The following STAM variants were observed in gnomAD, a reference collection of about 807,000 sequenced individuals.
The protein encoded by STAM is signal transducing adapter molecule 1.
STAM carries 16 observed loss-of-function variants against 63.4 expected under a neutral mutation model. The observed-to-expected ratio is 0.25, with a 90% CI of 0.17 to 0.38. STAM has a LOEUF of 0.38. Ranked by LOEUF, STAM falls within the 10% of genes least tolerant of loss-of-function variation. The pLI is 1.00. For missense variants in STAM, 636 were observed against 657.1 expected (o/e 0.97, Z 0.35); for synonymous variants, 238 against 223.9 (o/e 1.06, Z -0.56).
At chr10:17,689,518 T>A (rs1049169663) in intron 5 of STAM, among the ~76,000 whole-genome samples, 2 of 152,256 alleles carry the variant, frequency 1.3e-5, no homozygotes, top group African/African-American at 4.8e-5. Flanking sequence ...AAAAATTATG[T>A]CTTTGAAAAT....
intron 1 of STAM, among the ~76,000 whole-genome samples, chr10:17,660,064 C>A (rs985954088): frequency 6.6e-6 from 1 of 151,814 alleles, no homozygotes; most frequent in African/African-American, 2.4e-5. Flanking sequence ...AAAAAATCCA[C>A]AAAACTAGCT....
At chr10:17,647,982 G>A (rs1184987427) in intron 1 of STAM, among the ~76,000 whole-genome samples, 3 of 151,792 alleles carry the variant, frequency 2.0e-5, no homozygotes, top group Non-Finnish European at 4.4e-5. Context: ...GCCCAAACCT[G>A]CTCATTCCTT....
intron 6 of STAM, 27 bp downstream of exon 6, chr10:17,693,339 G>T: frequency 6.5e-7 from 1 of 1,545,844 alleles, no homozygotes; most frequent in Non-Finnish European, 8.8e-7. Flanking sequence ...CTGATGGTGG[G>T]AATAACATAA....
intron 2 of STAM, among the ~76,000 whole-genome samples, chr10:17,678,496 C>T (rs113007436): frequency 0.13 from 19,041 of 152,104 alleles, 1,599 homozygotes; most frequent in Non-Finnish European, 0.18. Flanking sequence ...TCAGGTGATC[C>T]GCCTGCCTCG....
At chr10:17,657,540 A>T (rs573894765) in intron 1 of STAM, among the ~76,000 whole-genome samples, 2 of 152,244 alleles carry the variant, frequency 1.3e-5, no homozygotes, top group Admixed American at 1.3e-4. Flanking sequence ...CAGAATTAGT[A>T]TAATTTCTTC....
At chr10:17,706,557 T>G (rs1836289110) in intron 12 of STAM, among the ~76,000 whole-genome samples, 1 of 151,916 alleles carries the variant, frequency 6.6e-6, no homozygotes, top group South Asian at 2.1e-4. Flanking sequence ...TTTTTTGTAT[T>G]TTTAGTAGAG....
chr10:17,713,710 G>A (rs573970855), intron 13 of STAM, among the ~76,000 whole-genome samples: 6 of 151,808 alleles, frequency 4.0e-5, no homozygotes, highest in Non-Finnish European at 7.4e-5. Context: ...CATTACTGCC[G>A]TGGCTCTTCT....
chr10:17,656,293 TAAAA>T (rs34558527), intron 1 of STAM, among the ~76,000 whole-genome samples: 1 of 127,902 alleles, frequency 7.8e-6, no homozygotes. Context: ...GACTCCGTCT[TAAAA>T]AAAAAAAAAA....
intron 2 of STAM, among the ~76,000 whole-genome samples, chr10:17,670,192 G>A (rs927314156): frequency 3.3e-5 from 5 of 152,104 alleles, no homozygotes; most frequent in African/African-American, 9.7e-5. Context: ...GATCCGATGC[G>A]AGCTGATTTT....
chr10:17,705,133 C>A (rs1836201709), intron 11 of STAM, 109 bp downstream of exon 11: 16 of 843,276 alleles, frequency 1.9e-5, no homozygotes, highest in Non-Finnish European at 3.1e-5. Flanking sequence ...TGTGGAGGAA[C>A]CAACTCTCAT....
intron 1 of STAM, among the ~76,000 whole-genome samples, chr10:17,649,414 T>A (rs1223905842): frequency 6.6e-6 from 1 of 150,932 alleles, no homozygotes; most frequent in Admixed American, 6.6e-5. Context: ...AAAAAAGAAT[T>A]AAAAAAAATG....
chr10:17,661,900 C>G (rs1554822916), intron 2 of STAM, among the ~76,000 whole-genome samples: 1 of 91,326 alleles, frequency 1.1e-5, no homozygotes, highest in Non-Finnish European at 2.1e-5. Context: ...CAAATGTGGT[C>G]CCATCCATCC....
chr10:17,705,890 A>C (rs1187648476), intron 12 of STAM, 149 bp downstream of exon 12: 7 of 560,104 alleles, frequency 1.2e-5, no homozygotes, highest in Non-Finnish European at 2.1e-5. Flanking sequence ...TAACATAGTG[A>C]GACTCTGTCT....
At chr10:17,653,765 C>CCTAATATATTAGGCTTTATGCCTAATATA (rs1404154884) in intron 1 of STAM, among the ~76,000 whole-genome samples, 9 of 152,156 alleles carry the variant, frequency 5.9e-5, no homozygotes, top group Non-Finnish European at 1.3e-4. Flanking sequence ...AGGCTTTATG[C>CCTAATATATTAGGCTTTATGCCTAATATA]AAATTCAATG....
chr10:17,668,871 A>G (rs1176160022), intron 2 of STAM, among the ~76,000 whole-genome samples: 2 of 152,230 alleles, frequency 1.3e-5, no homozygotes, highest in Non-Finnish European at 2.9e-5. Context: ...ACTGAAGGAC[A>G]TCTTGTTGGC....
intron 9 of STAM, among the ~76,000 whole-genome samples, chr10:17,704,026 G>A (rs1341473801): frequency 6.6e-6 from 1 of 152,228 alleles, no homozygotes; most frequent in Non-Finnish European, 1.5e-5. Context: ...AAGAACTCAC[G>A]CATTGTAAGT....
At chr10:17,692,367 CAAAAGGGAA>C in intron 5 of STAM, among the ~76,000 whole-genome samples, 1 of 152,182 alleles carries the variant, frequency 6.6e-6, no homozygotes, top group Middle Eastern at 3.4e-3. Context: ...TGTTCAAACT[CAAAAGGGAA>C]AAAGTGAACG....
intron 2 of STAM, among the ~76,000 whole-genome samples, chr10:17,680,028 A>AG (rs1380902917): frequency 6.6e-6 from 1 of 151,864 alleles, no homozygotes; most frequent in Admixed American, 6.6e-5. Flanking sequence ...TTAAAAAAAA[A>AG]CTTGTGTTCA....
chr10:17,684,082 C>A (rs543548590), intron 2 of STAM, among the ~76,000 whole-genome samples: 1 of 152,044 alleles, frequency 6.6e-6, no homozygotes, highest in Non-Finnish European at 1.5e-5. Flanking sequence ...ACTGTGTGAG[C>A]GTTGGATCTC....
Sources: allele counts gnomAD v4.1 joint callset (sites outside exome capture counted in the v4.1 genomes callset), GRCh38; gene constraint gnomAD v4.1.1; transcripts MANE v1.5; gene names NCBI Gene and HGNC (gene_info 2026-07-23, HGNC 2026-07-21).